ARRDC5: variants seen among roughly 807,000 people sequenced by gnomAD.
ARRDC5 encodes arrestin domain-containing protein 5.
ARRDC5 carries 12 observed loss-of-function variants against 13.3 expected under a neutral mutation model. That is an observed-to-expected ratio of 0.90 (90% CI 0.58 to 1.46). ARRDC5 has a LOEUF of 1.46. Ranked by LOEUF, ARRDC5 falls within the 40% of genes most tolerant of loss-of-function variation. The probability of loss-of-function intolerance (pLI) is 0.00; values close to 1 mark genes in which losing one functional copy is unlikely to be tolerated. For missense variants in ARRDC5, 406 were observed against 418.7 expected, an observed-to-expected ratio of 0.97 and a Z score of 0.26; for synonymous variants, 181 against 173.4, an observed-to-expected ratio of 1.04 and a Z score of -0.34.
chr19:4,916,014 G>A, the ARRDC5 span, among the ~76,000 whole-genome samples: 1 of 152,104 alleles, frequency 6.6e-6, no homozygotes, highest in Non-Finnish European at 1.5e-5. Flanking sequence ...GGCTGTTAGT[G>A]TGTTAGAAGT....
At position 4,891,415 on chromosome 19, in the gene ARRDC5, CTT is replaced by C. The variant is rs2031504455; in HGVS notation, c.616_617del (p.Lys206AspfsTer67). On this transcript the variant is annotated frameshift_variant, in exon 3 of 3. Coordinates refer to ENST00000650722, the MANE Select transcript of ARRDC5 (RefSeq NM_001080523.3). LOFTEE classifies it low-confidence loss of function (END_TRUNC). ...EINNQTSKCI[K>X]TVVFALYAHI... is the part of the protein sequence containing the mutation. Reference sequence around the variant, plus strand: ...GGGCATACAGGGCGAATACGACCGTCTTGATGCATTTGCTGGTCTGGTTGTTG... The same window carrying C: ...GGGCATACAGGGCGAATACGACCGTCGATGCATTTGCTGGTCTGGTTGTTG... 1 of 1,613,318 alleles carries C rather than the reference CTT, an allele frequency of 6.2e-7. No homozygotes were observed. The highest frequency in any genetic ancestry group is 1.3e-5 in the African/African-American group (1 of 74,934).
chr19:4,910,799 C>T, the ARRDC5 span: 2 of 1,474,564 alleles, frequency 1.4e-6, no homozygotes, highest in South Asian at 1.4e-5. Context: ...ACAAAAGCAA[C>T]CCCGACTCCT....
In ARRDC5 at chr19:4,891,419, A is replaced by G. The variant is rs2031504852; in HGVS notation, c.614T>C (p.Ile205Thr). 2 of 1,613,376 alleles carry G rather than the reference A, an allele frequency of 1.2e-6. No homozygotes were observed. The highest frequency in any genetic ancestry group is 2.7e-5 in the African/African-American group (2 of 75,044). ...ATACAGGGCGAATACGACCGTCTTG[A>G]TGCATTTGCTGGTCTGGTTGTTGAT... ...TEINNQTSKC[I>T]KTVVFALYAH... is the part of the protein sequence containing the mutation. The change falls in exon 3 of 3, where the codon ATC (isoleucine) becomes ACC (threonine). Residue 205 changes from isoleucine to threonine, a missense_variant. Physicochemically the swap from Ile to Thr is moderately conservative, Grantham distance 89. Coordinates refer to ENST00000650722, the MANE Select transcript of ARRDC5 (RefSeq NM_001080523.3).
At chr19:4,894,778 A>C (rs1258053466) in intron 2 of ARRDC5, among the ~76,000 whole-genome samples, 1 of 151,626 alleles carries the variant, frequency 6.6e-6, no homozygotes, top group Admixed American at 6.6e-5. Context: ...GAAGAAAATC[A>C]TACTGCAGGA....
At chr19:4,908,340 G>A in the ARRDC5 span, among the ~76,000 whole-genome samples, 24 of 152,112 alleles carry the variant, frequency 1.6e-4, no homozygotes, top group Non-Finnish European at 7.4e-5. Context: ...TTAATAGAGT[G>A]ACGAAGAAAC....
rs1464846465 is a variant in ARRDC5 at position 4,890,447 on chromosome 19, G to C, written c.*599C>G. ...TCTTTTTTTTTTTTTTGTAGAGATG[G>C]GGGTCTCACAGTGTTGCCCAGGCTT... On this transcript the variant is annotated 3_prime_UTR_variant, in exon 3 of 3. Transcript: ENST00000650722. 2 of 150,646 alleles carry C rather than the reference G, an allele frequency of 1.3e-5. No individual in the cohort carries two copies. Among genetic ancestry groups the C allele is most frequent in the African/African-American group, 2.4e-5 (1 of 40,956 alleles). The allele number at this position is 150,646 out of a possible 1,614,324, so 9.3% of individuals were successfully genotyped here. A position where few individuals can be genotyped will look rare whatever the true frequency, so the allele number is the denominator to read the frequency against.
chr19:4,903,368 A>C (rs1702390908), upstream of ARRDC5: 2 of 157,146 alleles, frequency 1.3e-5, no homozygotes, highest in Non-Finnish European at 2.8e-5. Flanking sequence ...GCTGGAGTGT[A>C]GTGGCGCGAT....
intron 1 of ARRDC5, among the ~76,000 whole-genome samples, chr19:4,899,210 G>A (rs2031832436): frequency 1.3e-5 from 2 of 151,286 alleles, no homozygotes; most frequent in African/African-American, 4.8e-5. Flanking sequence ...TACTCGGGAG[G>A]CCAAGGCAGG....
chr19:4,911,234 T>C, the ARRDC5 span, among the ~76,000 whole-genome samples: 2 of 151,898 alleles, frequency 1.3e-5, no homozygotes, highest in African/African-American at 2.4e-5. Flanking sequence ...GACTCACAGA[T>C]TGACACGCTG....
In ARRDC5 at chr19:4,891,000, C is replaced by G; in HGVS notation, c.*46G>C. ...ACCTGTGCAAGAGAGAGGGCTTCCT[C>G]CTGGTAGAGACTAATAAAGCTTTTA... On this transcript the variant is annotated 3_prime_UTR_variant, in exon 3 of 3. Coordinates refer to ENST00000650722, the MANE Select transcript of ARRDC5 (RefSeq NM_001080523.3). 1 of 1,526,462 alleles carries G rather than the reference C, an allele frequency of 6.6e-7. No individual in the cohort carries two copies. Among genetic ancestry groups the G allele is most frequent in the African/African-American group, 1.4e-5 (1 of 72,874 alleles). The allele number at this position is 1,526,462 out of a possible 1,614,324, so 94.6% of individuals were successfully genotyped here.
chr19:4,905,650 T>A (rs1238872599), upstream of ARRDC5, among the ~76,000 whole-genome samples: 1 of 152,068 alleles, frequency 6.6e-6, no homozygotes, highest in African/African-American at 2.4e-5. Context: ...CCCGAGTAGC[T>A]GGGATTATAG....
At chr19:4,901,300 C>T (rs2031904503) in intron 1 of ARRDC5, among the ~76,000 whole-genome samples, 1 of 152,066 alleles carries the variant, frequency 6.6e-6, no homozygotes. Flanking sequence ...GCCTGGGCAA[C>T]AGAGCGAGGC....
the ARRDC5 span, chr19:4,909,369 CG>C: frequency 1.1e-5 from 7 of 613,410 alleles, no homozygotes; most frequent in Non-Finnish European, 2.0e-5. Flanking sequence ...TGGACAGAGG[CG>C]GGGGCGCCCC....
intron 2 of ARRDC5, among the ~76,000 whole-genome samples, chr19:4,896,313 CA>C (rs559677827): frequency 0.022 from 1,179 of 53,778 alleles, 38 homozygotes; most frequent in East Asian, 0.041. Context: ...GACTGCATCT[CA>C]AAAAAAAAAA....
chr19:4,914,889 G>C, the ARRDC5 span, among the ~76,000 whole-genome samples: 1 of 152,100 alleles, frequency 6.6e-6, no homozygotes, highest in Non-Finnish European at 1.5e-5. Flanking sequence ...CCCTGTGCCA[G>C]GCTCACAATG....
chr19:4,904,003 A>C (rs2059203364), upstream of ARRDC5, among the ~76,000 whole-genome samples: 1 of 149,228 alleles, frequency 6.7e-6, no homozygotes, highest in South Asian at 2.1e-4. Flanking sequence ...TTGAGGTGGA[A>C]TCTCACTCTG....
intron 2 of ARRDC5, among the ~76,000 whole-genome samples, chr19:4,895,033 C>T (rs1362682364): frequency 6.6e-6 from 1 of 152,156 alleles, no homozygotes; most frequent in African/African-American, 2.4e-5. Context: ...CCAGACAAAG[C>T]TGGTATTTCT....
chr19:4,902,956 G>A (rs1452932273), upstream of ARRDC5: 2 of 1,393,940 alleles, frequency 1.4e-6, no homozygotes, highest in Admixed American at 3.8e-5. Context: ...GGGGACCCCA[G>A]TGGCCAGGAG....
intron 2 of ARRDC5, among the ~76,000 whole-genome samples, chr19:4,891,793 A>T (rs1196951033): frequency 1.3e-5 from 2 of 152,002 alleles, no homozygotes; most frequent in Admixed American, 1.3e-4. Flanking sequence ...CATCTATACT[A>T]AAAATACAAA....
Sources: allele counts gnomAD v4.1 joint callset (sites outside exome capture counted in the v4.1 genomes callset), GRCh38; gene constraint gnomAD v4.1.1; transcripts MANE v1.5; gene names NCBI Gene and HGNC (gene_info 2026-07-23, HGNC 2026-07-21).